Variants in LAMA2 observed in about 807,000 individuals in gnomAD.
LAMA2 encodes the protein laminin subunit alpha-2.
LAMA2 carries 269 observed loss-of-function variants against 364.8 expected under a neutral mutation model. The ratio of observed to expected loss-of-function variants is 0.74; its 90% CI spans 0.67 to 0.82. LAMA2 has a LOEUF of 0.82. Ranked by LOEUF, LAMA2 falls within the 40% of genes least tolerant of loss-of-function variation. The pLI, the probability that LAMA2 is intolerant of heterozygous loss-of-function variation, is 0.00. For synonymous variants in LAMA2, 1,379 were observed against 1,370.6 expected (o/e 1.01, Z -0.14); for missense variants, 3,807 against 3,873.2 (o/e 0.98, Z 0.45).
chr6:129,292,680 GCATTTCTCCGATGT>G (rs1314386191), intron 20 of LAMA2: 1 of 369,672 alleles, frequency 2.7e-6, no homozygotes, highest in Non-Finnish European at 3.7e-6. Context: ...GCAGAAGCAA[GCATTTCTCCGATGT>G]CAAACTGGCC....
chr6:129,090,876 T>C (rs1774777346), intron 3 of LAMA2, among the ~76,000 whole-genome samples: 1 of 152,198 alleles, frequency 6.6e-6, no homozygotes, highest in South Asian at 2.1e-4. Context: ...GCTCCCTTCA[T>C]AGTAAACTGC....
Position 129,098,397 on chromosome 6 carries a change from C to T in LAMA2, c.621C>T (p.His207=), listed in dbSNP as rs1331761851. The T allele has an allele frequency of 6.2e-7, 1 of 1,613,966 alleles. No homozygotes were observed. Among genetic ancestry groups the T allele is most frequent in the South Asian group, 1.1e-5 (1 of 91,068 alleles). The change falls in exon 4 of 65, where the codon CAC becomes CAT. Residue 207 remains histidine (H), a synonymous_variant. Transcript: ENST00000421865. ...GCACTTCATTTTACTCCAAGATACA[C>T]CCCTTAGAAAATGGAGAGGTAAGAT... The part of the protein sequence containing the change: ...VICTSFYSKI[H]PLENGEIHIS...
At position 128,884,681 on chromosome 6, in the gene LAMA2, G is replaced by A. The variant is rs117098691; in HGVS notation, c.112+1324G>A. 2.3e-3 allele frequency among the ~76,000 whole-genome samples: 354 copies of A among 152,214 alleles called. 2 individuals carry two copies. Among genetic ancestry groups the A allele is most frequent in the Non-Finnish European group, 3.8e-3 (261 of 68,002 alleles). ...CTGAGAGGTAAAATGGGGCCAATAT[G>A]ACTTAATTAATATAATTTACGAGAG... On this transcript the variant is annotated intron_variant, in intron 1 of 64. Coordinates refer to ENST00000421865, the MANE Select transcript of LAMA2 (RefSeq NM_000426.4).
At chr6:129,226,050 A>T (rs1445354687) in intron 12 of LAMA2, among the ~76,000 whole-genome samples, 2 of 152,156 alleles carry the variant, frequency 1.3e-5, no homozygotes, top group Non-Finnish European at 2.9e-5. Context: ...TAGGATAGTT[A>T]GCTCTTCTTG....
intron 1 of LAMA2, among the ~76,000 whole-genome samples, chr6:128,911,967 C>T (rs555455708): frequency 8.5e-5 from 13 of 152,276 alleles, no homozygotes; most frequent in Non-Finnish European, 1.5e-4. Context: ...TTTTTGCATC[C>T]ATCAATATTT....
At chr6:128,925,994 T>C (rs1779069568) in intron 1 of LAMA2, among the ~76,000 whole-genome samples, 1 of 152,198 alleles carries the variant, frequency 6.6e-6, no homozygotes, top group South Asian at 2.1e-4. Flanking sequence ...ACTGGGACTC[T>C]CCATTGGTCC....
chr6:129,097,514 G>T (rs2114871785), intron 3 of LAMA2, among the ~76,000 whole-genome samples: 1 of 152,114 alleles, frequency 6.6e-6, no homozygotes, highest in South Asian at 2.1e-4. Flanking sequence ...TTTACCTTTT[G>T]TAAAGAGAAG....
Position 129,473,312 on chromosome 6 carries a change from A to G in LAMA2, c.7399A>G (p.Lys2467Glu), listed in dbSNP as rs1306588392. ...TGGTCTTGACTTGAAAGCAGATGAC[A>G]AAATATATTTTGGTGGCCTGCCAAC... Reference protein sequence around the residue: ...NFGLDLKADDKIYFGGLPTLR... With the variant: ...NFGLDLKADDEIYFGGLPTLR... The change falls in exon 52 of 65, where the codon AAA becomes GAA. Residue 2467 changes from lysine (K) to glutamate (E), a missense_variant. By Grantham distance (56) the Lys-to-Glu change is moderately conservative (BLOSUM62 1). Coordinates refer to ENST00000421865, the MANE Select transcript of LAMA2 (RefSeq NM_000426.4). 1.2e-6 allele frequency: 2 copies of G among 1,612,682 alleles called. No individual in the cohort carries two copies. Among genetic ancestry groups the G allele is most frequent in the Non-Finnish European group, 1.7e-6 (2 of 1,179,046 alleles).
At chr6:128,930,559 A>G (rs1440181912) in intron 1 of LAMA2, among the ~76,000 whole-genome samples, 1 of 152,020 alleles carries the variant, frequency 6.6e-6, no homozygotes, top group Non-Finnish European at 1.5e-5. Flanking sequence ...CACCCTTCAC[A>G]CATGGGCCCA....
chr6:129,322,746 G>A (rs1021332403), intron 28 of LAMA2, among the ~76,000 whole-genome samples: 2 of 152,096 alleles, frequency 1.3e-5, no homozygotes, highest in African/African-American at 4.8e-5. Context: ...AAAAATGTTA[G>A]TAGAATAGCA....
intron 1 of LAMA2, among the ~76,000 whole-genome samples, chr6:128,891,214 T>C (rs974888715): frequency 2.0e-5 from 3 of 152,114 alleles, no homozygotes; most frequent in East Asian, 1.9e-4. Context: ...CAAATGATTA[T>C]GGACCAAAGA....
intron 35 of LAMA2, among the ~76,000 whole-genome samples, chr6:129,388,147 C>T (rs781219307): frequency 9.9e-5 from 15 of 151,950 alleles, no homozygotes; most frequent in Non-Finnish European, 1.8e-4. Flanking sequence ...ATTCCAGCTA[C>T]TCGGGAGGCT....
intron 1 of LAMA2, among the ~76,000 whole-genome samples, chr6:129,023,212 C>T (rs1785559302): frequency 1.3e-5 from 2 of 152,114 alleles, no homozygotes; most frequent in Non-Finnish European, 2.9e-5. Flanking sequence ...GAAGATTTTT[C>T]TCTATCTTTG....
chr6:129,082,035 C>CT (rs1355493120), intron 3 of LAMA2, among the ~76,000 whole-genome samples: 1 of 151,974 alleles, frequency 6.6e-6, no homozygotes. Flanking sequence ...ATATTGAGAA[C>CT]TTTAACAAAA....
chr6:129,311,287 A>G (rs1261649769), intron 22 of LAMA2, among the ~76,000 whole-genome samples: 2 of 151,752 alleles, frequency 1.3e-5, no homozygotes, highest in African/African-American at 4.8e-5. Context: ...ACGCCCGGCT[A>G]ATTTTTTGTG....
chr6:129,439,583 C>A (rs1226600522), intron 42 of LAMA2, among the ~76,000 whole-genome samples: 1 of 151,920 alleles, frequency 6.6e-6, no homozygotes, highest in Non-Finnish European at 1.5e-5. Flanking sequence ...GTGGTCAAAC[C>A]ATGTCTGTAA....
At chr6:129,046,633 G>A (rs1288098305) in intron 1 of LAMA2, among the ~76,000 whole-genome samples, 1 of 152,154 alleles carries the variant, frequency 6.6e-6, no homozygotes, top group Non-Finnish European at 1.5e-5. Context: ...CCACCATTAT[G>A]TTTATTCAAT....
chr6:129,224,759 C>T (rs192709748), intron 12 of LAMA2, among the ~76,000 whole-genome samples: 2 of 152,242 alleles, frequency 1.3e-5, no homozygotes, highest in Admixed American at 1.3e-4. Flanking sequence ...AGGATTTTTG[C>T]ATTGATGTTC....
intron 34 of LAMA2, among the ~76,000 whole-genome samples, chr6:129,381,090 TA>T (rs1344249147): frequency 1.3e-5 from 2 of 152,164 alleles, no homozygotes; most frequent in Non-Finnish European, 2.9e-5. Flanking sequence ...ATACAGAAAA[TA>T]TATTGATGAA....
Sources: gnomAD v4.1 joint callset for allele counts (sites outside exome capture counted in the v4.1 genomes callset) on GRCh38, gnomAD v4.1.1 for gene constraint, MANE v1.5 for transcripts, NCBI Gene and HGNC (gene_info 2026-07-23, HGNC 2026-07-21) for gene names.